Variants in KANK1 observed in about 807,000 individuals in gnomAD.
KANK1 encodes KN motif and ankyrin repeat domain-containing protein 1.
Under a neutral mutation model 106.2 loss-of-function variants are expected in KANK1, and 109 were observed. The ratio of observed to expected loss-of-function variants is 1.03; its 90% CI spans 0.88 to 1.20. KANK1 has a LOEUF of 1.20. KANK1 is among the 50% of genes most tolerant of loss of function. The probability of loss-of-function intolerance (pLI) is 0.00; values close to 1 mark genes in which losing one functional copy is unlikely to be tolerated. For missense variants in KANK1, 2,399 were observed against 1,710.7 expected (o/e 1.40, Z -7.10); for synonymous variants, 873 against 652.2 (o/e 1.34, Z -5.16).
At chr9:573,395 G>T (rs1159240208) in intron 1 of KANK1, among the ~76,000 whole-genome samples, 1 of 151,866 alleles carries the variant, frequency 6.6e-6, no homozygotes, top group African/African-American at 2.4e-5. Flanking sequence ...TCAGCTTCCC[G>T]AGTAGCTGGG....
intron 1 of KANK1, among the ~76,000 whole-genome samples, chr9:529,660 T>C (rs1208606031): frequency 6.6e-6 from 1 of 152,234 alleles, no homozygotes; most frequent in Non-Finnish European, 1.5e-5. Context: ...TAAAATCATT[T>C]TAAAGAGCAG....
At chr9:555,176 T>TA (rs35891812) in intron 1 of KANK1, among the ~76,000 whole-genome samples, 10,060 of 152,218 alleles carry the variant, frequency 0.066, 893 homozygotes, top group East Asian at 0.22. Flanking sequence ...AGCTGGCCAG[T>TA]AGCTAATCCC....
intron 1 of KANK1, among the ~76,000 whole-genome samples, chr9:595,589 G>A (rs1826016225): frequency 6.6e-6 from 1 of 151,856 alleles, no homozygotes; most frequent in Non-Finnish European, 1.5e-5. Flanking sequence ...GCAGTGGCGT[G>A]ATCATTGCTT....
chr9:587,284 T>A (rs1209426044), intron 1 of KANK1, among the ~76,000 whole-genome samples: 1 of 76,242 alleles, frequency 1.3e-5, no homozygotes, highest in African/African-American at 3.5e-5. Flanking sequence ...TACAAATGTA[T>A]GATTGAGAAA....
intron 1 of KANK1, among the ~76,000 whole-genome samples, chr9:525,815 G>A (rs996040615): frequency 7.9e-5 from 12 of 151,336 alleles, no homozygotes; most frequent in Admixed American, 1.3e-4. Context: ...CCTGGCTGCC[G>A]TTTCTCCATT....
intron 3 of KANK1, among the ~76,000 whole-genome samples, chr9:492,764 C>A (rs1243383710): frequency 1.3e-5 from 2 of 152,066 alleles, no homozygotes; most frequent in South Asian, 4.2e-4. Context: ...GTGTCATATG[C>A]CTATAATCCC....
At chr9:551,490 A>G (rs930560000) in intron 1 of KANK1, among the ~76,000 whole-genome samples, 2 of 152,158 alleles carry the variant, frequency 1.3e-5, no homozygotes, top group Non-Finnish European at 2.9e-5. Flanking sequence ...TCATCTGACA[A>G]TATTGCACAT....
At chr9:700,113 T>A (rs1419494660) in intron 2 of KANK1, among the ~76,000 whole-genome samples, 1 of 152,268 alleles carries the variant, frequency 6.6e-6, no homozygotes, top group Non-Finnish European at 1.5e-5. Context: ...GCCTAGCACG[T>A]GGCAGGTGCC....
At chr9:544,651 G>A (rs1382018774) in intron 1 of KANK1, among the ~76,000 whole-genome samples, 1 of 152,104 alleles carries the variant, frequency 6.6e-6, no homozygotes, top group East Asian at 1.9e-4. Context: ...TGTTATGGGC[G>A]CTTCATACTG....
chr9:690,056 G>A (rs1210746559), intron 2 of KANK1, among the ~76,000 whole-genome samples: 1 of 150,682 alleles, frequency 6.6e-6, no homozygotes, highest in African/African-American at 2.5e-5. Flanking sequence ...GGGAGGCTGA[G>A]GTGGGTGGAT....
At chr9:665,833 T>C (rs1394093105) in intron 1 of KANK1, among the ~76,000 whole-genome samples, 1 of 152,206 alleles carries the variant, frequency 6.6e-6, no homozygotes, top group Admixed American at 6.5e-5. Context: ...TCTATTTATT[T>C]AATCAGTTTT....
At chr9:654,785 G>A (rs918381028) in intron 1 of KANK1, among the ~76,000 whole-genome samples, 2 of 151,196 alleles carry the variant, frequency 1.3e-5, no homozygotes, top group African/African-American at 2.5e-5. Context: ...AATAAGCATA[G>A]TCACAATATG....
intron 2 of KANK1, chr9:693,277 C>CAG: frequency 1.7e-6 from 1 of 602,762 alleles, no homozygotes. Flanking sequence ...GCATAAAACT[C>CAG]AATCATTTCC....
chr9:577,999 G>T (rs1331006604), intron 1 of KANK1, among the ~76,000 whole-genome samples: 3 of 152,076 alleles, frequency 2.0e-5, no homozygotes. Context: ...TCAGAGCCCA[G>T]CTAGGAGGCC....
chr9:526,831 T>A (rs1007176852), intron 1 of KANK1, among the ~76,000 whole-genome samples: 4 of 151,816 alleles, frequency 2.6e-5, no homozygotes, highest in African/African-American at 9.7e-5. Context: ...TTGATTTTTT[T>A]AAATTCAATT....
At chr9:619,203 G>A (rs1588303596) in intron 1 of KANK1, among the ~76,000 whole-genome samples, 1 of 152,146 alleles carries the variant, frequency 6.6e-6, no homozygotes, top group Non-Finnish European at 1.5e-5. Context: ...GAGCTACAGT[G>A]CTTTTGAATT....
At chr9:647,542 A>G (rs1281001843) in intron 1 of KANK1, among the ~76,000 whole-genome samples, 1 of 150,832 alleles carries the variant, frequency 6.6e-6, no homozygotes, top group Non-Finnish European at 1.5e-5. Context: ...TCTTACGAAA[A>G]TATATTTAAT....
intron 2 of KANK1, chr9:684,702 T>C (rs1047793914): frequency 6.9e-6 from 3 of 433,014 alleles, no homozygotes; most frequent in Non-Finnish European, 9.0e-6. Context: ...TCTTCCTGTG[T>C]CTGGGATAAT....
intron 1 of KANK1, among the ~76,000 whole-genome samples, chr9:537,068 ACT>A (rs1295420982): frequency 1.3e-5 from 2 of 152,060 alleles, no homozygotes; most frequent in Non-Finnish European, 1.5e-5. Context: ...TTGAGTTGTG[ACT>A]CTCCTGCTTA....
Sources: allele counts gnomAD v4.1 joint callset (sites outside exome capture counted in the v4.1 genomes callset), GRCh38; gene constraint gnomAD v4.1.1; transcripts MANE v1.5; gene names NCBI Gene and HGNC (gene_info 2026-07-23, HGNC 2026-07-21).